PANX1: variants seen among roughly 807,000 people sequenced by gnomAD.
PANX1 encodes pannexin 1, also known as pannexin-1.
PANX1 carries 30 observed loss-of-function variants against 38.7 expected under a neutral mutation model. That is an observed-to-expected ratio of 0.78 (90% CI 0.58 to 1.05). The LOEUF (loss-of-function observed/expected upper bound fraction) is 1.05. PANX1 is among the 50% of genes least tolerant of loss of function. The pLI is 0.00. For synonymous variants in PANX1, 230 were observed against 212.2 expected (o/e 1.08, Z -0.73); for missense variants, 551 against 517.2 (o/e 1.07, Z -0.63).
chr11:94,169,200 A>G (rs1283106584), intron 2 of PANX1, among the ~76,000 whole-genome samples: 1 of 151,600 alleles, frequency 6.6e-6, no homozygotes, highest in African/African-American at 2.4e-5. Context: ...TTATATGTAG[A>G]CAGGGGCAAG....
intron 2 of PANX1, among the ~76,000 whole-genome samples, chr11:94,161,934 A>C (rs1947043042): frequency 6.6e-6 from 1 of 152,120 alleles, no homozygotes; most frequent in South Asian, 2.1e-4. Flanking sequence ...TTTTCCTTCT[A>C]ACAGTCAGCA....
At chr11:94,174,596 G>A (rs193068095) in intron 2 of PANX1, among the ~76,000 whole-genome samples, 8 of 151,646 alleles carry the variant, frequency 5.3e-5, no homozygotes, top group African/African-American at 2.0e-4. Context: ...TTATCAGCTT[G>A]TGTTCCCATC....
At chr11:94,163,987 A>C (rs55905465) in intron 2 of PANX1, among the ~76,000 whole-genome samples, 1 of 151,526 alleles carries the variant, frequency 6.6e-6, no homozygotes, top group African/African-American at 2.4e-5. Flanking sequence ...AAATTTATCA[A>C]TTTTTTTTAG....
chr11:94,156,931 G>A (rs1946955672), intron 2 of PANX1, among the ~76,000 whole-genome samples: 2 of 151,118 alleles, frequency 1.3e-5, no homozygotes, highest in Admixed American at 1.3e-4. Flanking sequence ...CTGTGTCCAT[G>A]TGTTGTCGTT....
chr11:94,151,641 G>A (rs1946883468), intron 1 of PANX1, among the ~76,000 whole-genome samples: 1 of 152,178 alleles, frequency 6.6e-6, no homozygotes, highest in African/African-American at 2.4e-5. Flanking sequence ...ACACTGATGC[G>A]GGAACCGTGT....
chr11:94,180,294 C>CGGGACTCCCCA, intron 4 of PANX1, 37 bp downstream of exon 4: 3 of 1,499,886 alleles, frequency 2.0e-6, no homozygotes, highest in Non-Finnish European at 2.7e-6. Flanking sequence ...CGGGAGTCTA[C>CGGGACTCCCCA]CGAGAGCCTT....
intron 1 of PANX1, among the ~76,000 whole-genome samples, chr11:94,147,369 A>T (rs1946839184): frequency 6.6e-6 from 1 of 152,018 alleles, no homozygotes; most frequent in African/African-American, 2.4e-5. Flanking sequence ...TTTCCCTGGT[A>T]CCCAGGTCAT....
At chr11:94,136,183 G>C (rs1946686966) in intron 1 of PANX1, among the ~76,000 whole-genome samples, 1 of 150,666 alleles carries the variant, frequency 6.6e-6, no homozygotes, top group Non-Finnish European at 1.5e-5. Context: ...GTTCCTATTT[G>C]AAATAAGTGG....
At chr11:94,178,937 C>T (rs747271286) in intron 3 of PANX1, among the ~76,000 whole-genome samples, 29 of 152,146 alleles carry the variant, frequency 1.9e-4, no homozygotes, top group Non-Finnish European at 2.5e-4. Context: ...TTAATGGAGA[C>T]GCACAGAGGA....
chr11:94,167,622 C>T (rs181101670), intron 2 of PANX1, among the ~76,000 whole-genome samples: 5 of 152,310 alleles, frequency 3.3e-5, no homozygotes, highest in Admixed American at 3.3e-4. Flanking sequence ...AATCATTAAT[C>T]ATATATTCAA....
intron 3 of PANX1, 149 bp downstream of exon 3, chr11:94,178,741 G>T: frequency 1.6e-6 from 1 of 636,534 alleles, no homozygotes; most frequent in East Asian, 2.7e-5. Context: ...ACAGCCTGTA[G>T]TATCCCGGGA....
At chr11:94,134,631 TCTCTCCCCCCTCCCTCTTC>T (rs771180761) in intron 1 of PANX1, among the ~76,000 whole-genome samples, 8 of 150,492 alleles carry the variant, frequency 5.3e-5, no homozygotes, top group South Asian at 2.2e-4. Context: ...AATCCCTCTT[TCTCTCCCCCCTCCCTCTTC>T]CTCTCCCCCC....
chr11:94,167,833 T>C (rs1488650916), intron 2 of PANX1, among the ~76,000 whole-genome samples: 3 of 152,212 alleles, frequency 2.0e-5, no homozygotes, highest in Non-Finnish European at 2.9e-5. Context: ...AGGAGCTTGT[T>C]GTTTAGTGGA....
intron 2 of PANX1, among the ~76,000 whole-genome samples, chr11:94,154,943 T>C (rs1164650867): frequency 2.0e-5 from 3 of 152,224 alleles, no homozygotes; most frequent in African/African-American, 7.2e-5. Context: ...ATTGTGGGTT[T>C]TGCCATTAAA....
At chr11:94,174,833 G>C (rs970943738) in intron 2 of PANX1, among the ~76,000 whole-genome samples, 2 of 151,692 alleles carry the variant, frequency 1.3e-5, no homozygotes, top group African/African-American at 2.4e-5. Flanking sequence ...GAATATGGAG[G>C]GAAGTTGTAC....
chr11:94,143,641 G>T (rs1241377660), intron 1 of PANX1, among the ~76,000 whole-genome samples: 1 of 151,998 alleles, frequency 6.6e-6, no homozygotes, highest in East Asian at 1.9e-4. Context: ...GAATCTAATA[G>T]AATCTTTTTT....
At chr11:94,148,479 G>C (rs1294075217) in intron 1 of PANX1, among the ~76,000 whole-genome samples, 2 of 152,174 alleles carry the variant, frequency 1.3e-5, no homozygotes, top group African/African-American at 4.8e-5. Flanking sequence ...GCTTGTTGGT[G>C]TTCTGGGTTT....
chr11:94,164,116 T>C (rs375208679), intron 2 of PANX1, among the ~76,000 whole-genome samples: 131 of 141,950 alleles, frequency 9.2e-4, no homozygotes, highest in African/African-American at 3.5e-3. Context: ...TTGGTCTTTC[T>C]TTTTTTTTTA....
Position 94,160,841 on chromosome 11 carries a change from A to AT in PANX1, c.321+7218dup, listed in dbSNP as rs569094305. 1.6e-4 allele frequency among the ~76,000 whole-genome samples: 25 copies of AT among 152,104 alleles called. No homozygotes were observed. In the East Asian group the frequency reaches 4.6e-3, roughly 28 times the overall value. On this transcript the variant is annotated intron_variant, in intron 2 of 4. Coordinates refer to ENST00000227638, the MANE Select transcript of PANX1 (RefSeq NM_015368.4). ...GCCTCGATGGTCTTTAGAATTTGGCATTTTTTTGCATTGGCTGGTACCATT... is the reference window on the plus strand; with the variant it reads ...GCCTCGATGGTCTTTAGAATTTGGCATTTTTTTTGCATTGGCTGGTACCATT...
Sources: gnomAD v4.1 joint callset for allele counts (sites outside exome capture counted in the v4.1 genomes callset) on GRCh38, gnomAD v4.1.1 for gene constraint, MANE v1.5 for transcripts, NCBI Gene and HGNC (gene_info 2026-07-23, HGNC 2026-07-21) for gene names.